The following NLRC3 variants were observed in gnomAD, a reference collection of about 807,000 sequenced individuals.
The protein encoded by NLRC3 is NLR family CARD domain-containing protein 3.
NLRC3 carries 87 observed loss-of-function variants against 91.6 expected under a neutral mutation model. That is an observed-to-expected ratio of 0.95 (90% CI 0.80 to 1.14). The LOEUF is 1.14. NLRC3 is among the 50% of genes most tolerant of loss of function. NLRC3 has a pLI of 0.00. For synonymous variants in NLRC3, 694 were observed against 625.3 expected, an observed-to-expected ratio of 1.11 and a Z score of -1.64; for missense variants, 1,577 against 1,418.6, an observed-to-expected ratio of 1.11 and a Z score of -1.79.
chr16:3,552,123 A>ACAAATATTT (rs1283987856), intron 10 of NLRC3, 73 bp downstream of exon 10: 4 of 917,382 alleles, frequency 4.4e-6, no homozygotes, highest in Non-Finnish European at 7.2e-6. Flanking sequence ...CCTCAGGCTC[A>ACAAATATTT]CAAATATTTG....
intron 6 of NLRC3, among the ~76,000 whole-genome samples, chr16:3,560,044 A>C (rs549440141): frequency 6.6e-6 from 1 of 152,272 alleles, no homozygotes; most frequent in East Asian, 1.9e-4. Flanking sequence ...CCAGTGCCTT[A>C]TTTTTGTTAC....
At chr16:3,569,941 T>G (rs1291816513) in intron 1 of NLRC3, among the ~76,000 whole-genome samples, 3 of 152,246 alleles carry the variant, frequency 2.0e-5, no homozygotes, top group Non-Finnish European at 2.9e-5. Flanking sequence ...GAAGGCATAC[T>G]GTGTTCTGCA....
At chr16:3,542,049 T>A (rs2038429143) in intron 19 of NLRC3, 134 bp from the exon 20 acceptor site, 2 of 796,460 alleles carry the variant, frequency 2.5e-6, no homozygotes, top group Non-Finnish European at 4.3e-6. Flanking sequence ...TGGACAAGGC[T>A]CAGGGTACCT....
chr16:3,552,142 T>G, intron 10 of NLRC3, 54 bp downstream of exon 10: 1 of 1,049,712 alleles, frequency 9.5e-7, no homozygotes, highest in Non-Finnish European at 1.5e-6. Flanking sequence ...TGTGCTGGGT[T>G]GGGCATTGTG....
intron 18 of NLRC3, 76 bp from the exon 19 acceptor site, chr16:3,542,350 T>C: frequency 1.1e-6 from 1 of 902,262 alleles, no homozygotes; most frequent in Non-Finnish European, 1.8e-6. Flanking sequence ...CAACAGTGCA[T>C]TGTCTGGGGG....
At chr16:3,556,728 C>G (rs938549434) in intron 8 of NLRC3, among the ~76,000 whole-genome samples, 183 bp downstream of exon 8, 2 of 152,116 alleles carry the variant, frequency 1.3e-5, no homozygotes, top group Admixed American at 1.3e-4. Flanking sequence ...CTCTCGAGCT[C>G]CTGACCTCAA....
chr16:3,540,257 C>G lies in NLRC3; in HGVS notation c.*1568G>C, dbSNP rs1276126323. The G allele has an allele frequency of 6.6e-6, 1 of 152,228 alleles. No homozygotes were observed. Among genetic ancestry groups the G allele is most frequent in the East Asian group, 1.9e-4 (1 of 5,204 alleles). The allele number at this position is 152,228 out of a possible 1,614,324, so 9.4% of individuals were successfully genotyped here. On this transcript the variant is annotated 3_prime_UTR_variant, in exon 20 of 20. Coordinates refer to ENST00000359128, the MANE Select transcript of NLRC3 (RefSeq NM_178844.4). The stretch of plus-strand genomic sequence containing the variant: ...CATGGCCTCAGCATCCATGATGGTT[C>G]CTGTCCGGATGCTCACTTTTGAAGA...
At chr16:3,562,369 A>C (rs1035522267) in intron 5 of NLRC3, among the ~76,000 whole-genome samples, 2 of 152,282 alleles carry the variant, frequency 1.3e-5, no homozygotes, top group Admixed American at 6.5e-5. Context: ...GGCCAGGTGC[A>C]GTGGCTCAGG....
At chr16:3,562,794 A>G in intron 5 of NLRC3, 1 of 659,444 alleles carries the variant, frequency 1.5e-6, no homozygotes, top group East Asian at 2.7e-5. Flanking sequence ...TATATGTTTC[A>G]GAGAGCGCAT....
At chr16:3,575,134 G>T (rs552638293) in intron 1 of NLRC3, among the ~76,000 whole-genome samples, 1 of 152,122 alleles carries the variant, frequency 6.6e-6, no homozygotes, top group Non-Finnish European at 1.5e-5. Flanking sequence ...CCCTGCTCAG[G>T]CCCCATTCAG....
intron 17 of NLRC3, 36 bp from the exon 18 acceptor site, chr16:3,542,811 C>G: frequency 6.8e-7 from 1 of 1,464,822 alleles, no homozygotes; most frequent in Non-Finnish European, 9.4e-7. Flanking sequence ...GGCATGGGTA[C>G]AGGCTGAGAG....
chr16:3,553,827 C>G (rs900861289), intron 9 of NLRC3, among the ~76,000 whole-genome samples: 7 of 151,688 alleles, frequency 4.6e-5, no homozygotes, highest in African/African-American at 9.7e-5. Flanking sequence ...CTGCACCCTC[C>G]GCCTCCCAGG....
rs376534004 is a variant in NLRC3, at chr16:3,564,582, C to G, written c.355G>C (p.Ala119Pro). ...VEATRGGGHP[A>P]RTVALDRLFL... ...AGCCGGTCCAGGGCGACGGTCCTGGCGGGGTGCCCGCCCCCGCGGGTGGCC... is the reference window on the plus strand; with the variant it reads ...AGCCGGTCCAGGGCGACGGTCCTGGGGGGGTGCCCGCCCCCGCGGGTGGCC... Residue 119 changes from alanine to proline, a missense_variant, in exon 5 of 20, where the codon GCC (alanine) becomes CCC (proline). Transcript: ENST00000359128. This position sits in a 1 kb window ranked among gnomAD's most constrained non-coding sequence, Gnocchi z 5.9. 7 of 1,611,374 alleles carry G rather than the reference C, an allele frequency of 4.3e-6. No homozygotes were observed. The African/African-American group carries it at 9.3e-5, about 22-fold the overall frequency.
At chr16:3,575,576 A>G (rs1381971500) in intron 1 of NLRC3, among the ~76,000 whole-genome samples, 4 of 152,214 alleles carry the variant, frequency 2.6e-5, no homozygotes, top group Non-Finnish European at 5.9e-5. Flanking sequence ...CCTCCCAGGT[A>G]GCACCAGGTT....
rs750494444 is a variant in NLRC3, at chr16:3,572,738, C to T, written c.-169+4411G>A. ...ATCCTAAAGAAATATGTGGGCCAGGCGCGGTGACTCACACCTGTAATCCTA... is the reference window on the plus strand; with the variant it reads ...ATCCTAAAGAAATATGTGGGCCAGGTGCGGTGACTCACACCTGTAATCCTA... On this transcript the variant is annotated intron_variant, in intron 1 of 19. Transcript: ENST00000359128. Among the ~76,000 whole-genome samples, 17 of 152,202 alleles carry T rather than the reference C, an allele frequency of 1.1e-4. No homozygotes were observed. The South Asian group carries it at 1.2e-3, about 11-fold the overall frequency.
chr16:3,546,245 G>A (rs1052156600), intron 15 of NLRC3, among the ~76,000 whole-genome samples: 1 of 151,872 alleles, frequency 6.6e-6, no homozygotes, highest in East Asian at 1.9e-4. Flanking sequence ...AAAAAAAATT[G>A]TAAATATTAC....
Position 3,550,429 on chromosome 16 carries a change from C to G in NLRC3, c.2420G>C (p.Gly807Ala). 1.2e-6 allele frequency: 2 copies of G among 1,611,800 alleles called. No homozygotes were observed. The highest frequency in any genetic ancestry group is 1.7e-4 in the Middle Eastern group (1 of 6,058). Residue 807 changes from glycine to alanine, a missense_variant, in exon 11 of 20, where the codon GGC becomes GCC. By Grantham distance (60) the Gly-to-Ala change is moderately conservative (BLOSUM62 0). Coordinates refer to ENST00000359128, the MANE Select transcript of NLRC3 (RefSeq NM_178844.4). ...GTGGACTCACTCCAGGCTCTCCAGG[C>G]CCTGGTTCACCTTCAGGGCCTCAGC... is the stretch of plus-strand genomic sequence containing the variant. Reference protein sequence around the residue: ...ALAEALKVNQGLESLDLQSNS... With the variant: ...ALAEALKVNQALESLDLQSNS...
chr16:3,544,636 ATGAACT>A (rs1012049696), intron 15 of NLRC3: 1 of 341,738 alleles, frequency 2.9e-6, no homozygotes, highest in African/African-American at 2.1e-5. Context: ...CAACCAGAAA[ATGAACT>A]TAAAGCCCTC....
chr16:3,550,762 G>C (rs1403062154), intron 10 of NLRC3, among the ~76,000 whole-genome samples: 1 of 152,206 alleles, frequency 6.6e-6, no homozygotes, highest in Non-Finnish European at 1.5e-5. Context: ...ATTTTGGGGG[G>C]TTTTTGTGAA....
Sources: allele counts gnomAD v4.1 joint callset (sites outside exome capture counted in the v4.1 genomes callset), GRCh38; gene constraint gnomAD v4.1.1; non-coding constraint Gnocchi (gnomAD v3.1); transcripts MANE v1.5; gene names NCBI Gene and HGNC (gene_info 2026-07-23, HGNC 2026-07-21).